SDK1: variants seen among roughly 807,000 people sequenced by gnomAD.
The protein encoded by SDK1 is sidekick cell adhesion molecule 1, also known as protein sidekick-1.
Under a neutral mutation model 245.5 loss-of-function variants are expected in SDK1, and 157 were observed. That is an observed-to-expected ratio of 0.64 (90% confidence interval 0.56 to 0.73). The LOEUF (loss-of-function observed/expected upper bound fraction) is 0.73. Ranked by LOEUF, SDK1 falls within the 30% of genes least tolerant of loss-of-function variation. SDK1 has a pLI of 0.00. For missense variants in SDK1, 3,583 were observed against 3,002.3 expected, an observed-to-expected ratio of 1.19 and a Z score of -4.52; for synonymous variants, 1,647 against 1,278.5, an observed-to-expected ratio of 1.29 and a Z score of -6.15.
intron 1 of SDK1, among the ~76,000 whole-genome samples, chr7:3,487,796 T>G (rs1225068275): frequency 6.7e-6 from 1 of 150,112 alleles, no homozygotes; most frequent in African/African-American, 2.4e-5. Context: ...TTACAGTGTC[T>G]TGTGGCTCTC....
chr7:4,106,716 C>T (rs1344418899), intron 22 of SDK1, among the ~76,000 whole-genome samples: 1 of 152,164 alleles, frequency 6.6e-6, no homozygotes, highest in East Asian at 1.9e-4. Context: ...CCCCCACTCT[C>T]CTGCTCTCTC....
chr7:3,346,955 G>C (rs1780524760), intron 1 of SDK1, among the ~76,000 whole-genome samples: 1 of 148,072 alleles, frequency 6.8e-6, no homozygotes, highest in Non-Finnish European at 1.5e-5. Context: ...ATAGGCATGA[G>C]CTACTGCACC....
At chr7:3,333,895 G>T (rs1159624236) in intron 1 of SDK1, among the ~76,000 whole-genome samples, 1 of 152,158 alleles carries the variant, frequency 6.6e-6, no homozygotes, top group Non-Finnish European at 1.5e-5. Flanking sequence ...GGACTGCCAG[G>T]GTGGCCAGCA....
chr7:3,917,455 C>T (rs1779424173), intron 5 of SDK1, among the ~76,000 whole-genome samples: 2 of 152,282 alleles, frequency 1.3e-5, no homozygotes, highest in South Asian at 4.1e-4. Flanking sequence ...ACGGGCTGCA[C>T]TTTGGGGCAC....
chr7:3,889,338 G>C (rs1042910643), intron 5 of SDK1, among the ~76,000 whole-genome samples: 2 of 152,242 alleles, frequency 1.3e-5, no homozygotes, highest in Non-Finnish European at 2.9e-5. Context: ...TGGCATCCCA[G>C]AGTCAGGCCT....
At chr7:4,132,946 G>T (rs929788976) in intron 28 of SDK1, among the ~76,000 whole-genome samples, 1 of 152,048 alleles carries the variant, frequency 6.6e-6, no homozygotes, top group Non-Finnish European at 1.5e-5. Context: ...TTTTTTTAAC[G>T]TGGAATTTCT....
chr7:3,701,419 C>T (rs1784736217), intron 4 of SDK1, among the ~76,000 whole-genome samples: 1 of 152,110 alleles, frequency 6.6e-6, no homozygotes, highest in South Asian at 2.1e-4. Flanking sequence ...AAAATCGTAG[C>T]AAGACTTTGT....
chr7:3,812,117 G>A (rs1779399698), intron 4 of SDK1, among the ~76,000 whole-genome samples: 1 of 152,130 alleles, frequency 6.6e-6, no homozygotes, highest in Non-Finnish European at 1.5e-5. Flanking sequence ...GTCTTCCCTG[G>A]ACAGTGTTAA....
intron 4 of SDK1, among the ~76,000 whole-genome samples, chr7:3,810,482 T>C (rs1779358015): frequency 6.6e-6 from 1 of 152,228 alleles, no homozygotes; most frequent in Admixed American, 6.5e-5. Flanking sequence ...GCCATTTATT[T>C]GTACCTAGTG....
chr7:3,811,702 T>C (rs1779388146), intron 4 of SDK1, among the ~76,000 whole-genome samples: 1 of 152,206 alleles, frequency 6.6e-6, no homozygotes, highest in East Asian at 1.9e-4. Context: ...TTGGATGTGC[T>C]GCCTGGCCGT....
At chr7:3,635,899 T>C (rs756032920) in intron 2 of SDK1, among the ~76,000 whole-genome samples, 11 of 152,152 alleles carry the variant, frequency 7.2e-5, no homozygotes, top group Middle Eastern at 3.2e-3. Flanking sequence ...AGAGAGACGG[T>C]TCTGCCATAT....
chr7:4,145,316 T>A (rs929369), intron 28 of SDK1, among the ~76,000 whole-genome samples: 84,254 of 151,976 alleles, frequency 0.55, 23,597 homozygotes, highest in East Asian at 0.79. Context: ...CCATGCTGTC[T>A]TTTGCAAGAA....
At chr7:4,056,760 A>T (rs1048019602) in intron 19 of SDK1, among the ~76,000 whole-genome samples, 1 of 152,134 alleles carries the variant, frequency 6.6e-6, no homozygotes, top group Non-Finnish European at 1.5e-5. Flanking sequence ...AGCAGCTACT[A>T]TGCAGTGCTG....
At position 4,265,663 on chromosome 7, in the gene SDK1, G is replaced by A. The variant is rs1788422634; in HGVS notation, c.*279G>A. 1.5e-5 allele frequency: 18 copies of A among 1,220,168 alleles called. No individual in the cohort carries two copies. The highest frequency in any genetic ancestry group is 3.2e-5 in the African/African-American group (2 of 62,518). The allele number at this position is 1,220,168 out of a possible 1,614,324, so 75.6% of individuals were successfully genotyped here. A position where few individuals can be genotyped will look rare whatever the true frequency, so the allele number is the denominator to read the frequency against. ...TGGTGCAATGGCTTGGCACCTCCGGGGCCTGGGAGGACCTCAGACCTCCCC... is the reference window on the plus strand; with the variant it reads ...TGGTGCAATGGCTTGGCACCTCCGGAGCCTGGGAGGACCTCAGACCTCCCC... On this transcript the variant is annotated 3_prime_UTR_variant, in exon 45 of 45. Transcript: ENST00000404826.
chr7:3,513,809 G>T (rs931709018), intron 1 of SDK1, among the ~76,000 whole-genome samples: 3 of 152,068 alleles, frequency 2.0e-5, no homozygotes, highest in Non-Finnish European at 4.4e-5. Context: ...GTAGTCCCCA[G>T]TGTCTGTTGT....
chr7:4,181,064 C>A (rs1782576546), intron 35 of SDK1, among the ~76,000 whole-genome samples: 1 of 152,218 alleles, frequency 6.6e-6, no homozygotes, highest in African/African-American at 2.4e-5. Flanking sequence ...GTCTCTTCTT[C>A]CCAAACAGAA....
At chr7:3,350,072 T>C (rs191957445) in intron 1 of SDK1, among the ~76,000 whole-genome samples, 23 of 152,322 alleles carry the variant, frequency 1.5e-4, no homozygotes, top group Non-Finnish European at 2.8e-4. Flanking sequence ...CAAAAGGTCA[T>C]GCTATTGGTG....
intron 21 of SDK1, among the ~76,000 whole-genome samples, chr7:4,078,683 G>A (rs955931880): frequency 5.3e-5 from 8 of 152,064 alleles, no homozygotes; most frequent in African/African-American, 9.7e-5. Flanking sequence ...ACAGTAACAC[G>A]AAAGCTCTCG....
At chr7:3,671,679 T>A (rs761334114) in intron 4 of SDK1, among the ~76,000 whole-genome samples, 1 of 152,254 alleles carries the variant, frequency 6.6e-6, no homozygotes, top group East Asian at 1.9e-4. Context: ...CAAACACTTT[T>A]CATTGTAGAT....
Sources: gnomAD v4.1 joint callset for allele counts (sites outside exome capture counted in the v4.1 genomes callset) on GRCh38, gnomAD v4.1.1 for gene constraint, MANE v1.5 for transcripts, NCBI Gene and HGNC (gene_info 2026-07-23, HGNC 2026-07-21) for gene names.